The following NIM1K variants were observed in gnomAD, a reference collection of about 807,000 sequenced individuals.
NIM1K encodes the protein NIM1 serine/threonine protein kinase.
NIM1K carries 35 observed loss-of-function variants against 37.1 expected under a neutral mutation model. The ratio of observed to expected loss-of-function variants is 0.94; its 90% confidence interval spans 0.72 to 1.25. NIM1K has a LOEUF of 1.25. Among genes scored for constraint, NIM1K ranks in the 50% most tolerant of loss-of-function variants. The pLI is 0.00. For synonymous variants in NIM1K, 234 were observed against 206.6 expected (o/e 1.13, Z -1.14); for missense variants, 564 against 548.0 (o/e 1.03, Z -0.29).
At chr5:43,248,399 T>C (rs1007751206) in intron 2 of NIM1K, among the ~76,000 whole-genome samples, 5 of 152,116 alleles carry the variant, frequency 3.3e-5, no homozygotes, top group African/African-American at 1.2e-4. Flanking sequence ...AGGTTAACCA[T>C]ATAGTGATGA....
At chr5:43,229,384 C>CAAAAAAA in intron 1 of NIM1K, among the ~76,000 whole-genome samples, 1 of 89,970 alleles carries the variant, frequency 1.1e-5, no homozygotes, top group Non-Finnish European at 2.1e-5. Context: ...AACTCCATCT[C>CAAAAAAA]AAAAAAAAAA....
At chr5:43,203,316 G>A (rs1752061406) in intron 1 of NIM1K, among the ~76,000 whole-genome samples, 1 of 152,210 alleles carries the variant, frequency 6.6e-6, no homozygotes, top group South Asian at 2.1e-4. Flanking sequence ...AAGTTTCTCT[G>A]TACATTGTGA....
chr5:43,279,919 T>C, intron 3 of NIM1K, 61 bp from the exon 4 acceptor site: 3 of 1,340,806 alleles, frequency 2.2e-6, no homozygotes, highest in South Asian at 2.6e-5. Context: ...GAGCAACTGA[T>C]ACATTTTTTA....
At chr5:43,207,081 G>A (rs531171073) in intron 1 of NIM1K, 1 of 718,976 alleles carries the variant, frequency 1.4e-6, no homozygotes, top group African/African-American at 1.7e-5. Context: ...ATGGGCGCCT[G>A]GTTGAATATG....
chr5:43,197,245 C>G (rs921399360), intron 1 of NIM1K, among the ~76,000 whole-genome samples: 1 of 152,132 alleles, frequency 6.6e-6, no homozygotes, highest in Admixed American at 6.6e-5. Flanking sequence ...CCTCTCATTT[C>G]AGACTCCAGA....
At chr5:43,207,652 G>T in intron 1 of NIM1K, 1 of 593,236 alleles carries the variant, frequency 1.7e-6, no homozygotes, top group Non-Finnish European at 3.3e-6. Flanking sequence ...TCAATCTGAC[G>T]GAAGCGCTGT....
chr5:43,261,634 T>C (rs1336367665), intron 2 of NIM1K, among the ~76,000 whole-genome samples: 1 of 152,048 alleles, frequency 6.6e-6, no homozygotes, highest in Non-Finnish European at 1.5e-5. Context: ...TTTGTCAATT[T>C]TGGCTTTTGT....
At chr5:43,194,711 T>C (rs1285887549) in intron 1 of NIM1K, 3 of 152,216 alleles carry the variant, frequency 2.0e-5, no homozygotes, top group Non-Finnish European at 4.4e-5. Flanking sequence ...AATTCTAACA[T>C]TGATAGCATG....
chr5:43,241,628 G>A (rs1010319987), intron 1 of NIM1K, among the ~76,000 whole-genome samples: 15 of 151,918 alleles, frequency 9.9e-5, no homozygotes, highest in African/African-American at 3.2e-4. Flanking sequence ...GTGAGCCACC[G>A]TGCCTGGCTG....
intron 1 of NIM1K, among the ~76,000 whole-genome samples, chr5:43,217,422 C>T (rs1271658259): frequency 7.0e-6 from 1 of 142,840 alleles, no homozygotes; most frequent in Non-Finnish European, 1.5e-5. Context: ...AATAAAGCTG[C>T]TGTGAGCACT....
intron 2 of NIM1K, among the ~76,000 whole-genome samples, chr5:43,249,046 T>A (rs1408273025): frequency 1.9e-5 from 2 of 103,808 alleles, no homozygotes; most frequent in African/African-American, 3.6e-5. Flanking sequence ...TAGTTTATTT[T>A]TATTTATTTA....
At chr5:43,219,344 T>A (rs188976753) in intron 1 of NIM1K, among the ~76,000 whole-genome samples, 1 of 152,298 alleles carries the variant, frequency 6.6e-6, no homozygotes, top group Admixed American at 6.5e-5. Context: ...GTCTCAGGTA[T>A]GTCTTTATTA....
intron 2 of NIM1K, among the ~76,000 whole-genome samples, chr5:43,256,707 A>G (rs1311158002): frequency 1.1e-4 from 17 of 152,166 alleles, no homozygotes; most frequent in Admixed American, 1.1e-3. Context: ...GCCCAGAAGT[A>G]CAGAATGCAC....
At chr5:43,213,187 TTCTTTC>T (rs1752232103) in intron 1 of NIM1K, among the ~76,000 whole-genome samples, 1 of 70,636 alleles carries the variant, frequency 1.4e-5, no homozygotes, top group Non-Finnish European at 3.5e-5. Context: ...CTTTCTTTCT[TTCTTTC>T]TTTCTTTCTT....
At chr5:43,203,951 A>G (rs935046820) in intron 1 of NIM1K, among the ~76,000 whole-genome samples, 4 of 151,418 alleles carry the variant, frequency 2.6e-5, no homozygotes, top group South Asian at 2.1e-4. Context: ...ACTTGAACCC[A>G]GGAGGCAGAA....
At chr5:43,233,054 T>G in intron 1 of NIM1K, 1 of 1,314,692 alleles carries the variant, frequency 7.6e-7, no homozygotes, top group Non-Finnish European at 1.1e-6. Context: ...CCCCGAGTGG[T>G]CTTGTCACTT....
chr5:43,264,557 C>A (rs909657973), intron 2 of NIM1K, among the ~76,000 whole-genome samples: 1 of 152,044 alleles, frequency 6.6e-6, no homozygotes, highest in African/African-American at 2.4e-5. Context: ...CACACTGATG[C>A]GTCTTGACTC....
chr5:43,219,685 G>T (rs916128428), intron 1 of NIM1K, among the ~76,000 whole-genome samples: 2 of 151,922 alleles, frequency 1.3e-5, no homozygotes, highest in Non-Finnish European at 1.5e-5. Context: ...TTGCAAAAAC[G>T]TTTCCTGTTC....
intron 2 of NIM1K, among the ~76,000 whole-genome samples, chr5:43,254,362 G>A (rs1173745483): frequency 6.6e-6 from 1 of 152,152 alleles, no homozygotes; most frequent in Admixed American, 6.5e-5. Flanking sequence ...GAAATGAATG[G>A]GTCTAGCAGC....
Sources: gnomAD v4.1 joint callset for allele counts (sites outside exome capture counted in the v4.1 genomes callset) on GRCh38, gnomAD v4.1.1 for gene constraint, MANE v1.5 for transcripts, NCBI Gene and HGNC (gene_info 2026-07-23, HGNC 2026-07-21) for gene names.